Variants in ACTN2 observed in about 807,000 individuals in gnomAD.
The protein encoded by ACTN2 is alpha-actinin-2.
A neutral mutation model predicts 113.8 loss-of-function variants in ACTN2; 39 were observed. The observed-to-expected ratio is 0.34, with a 90% CI of 0.27 to 0.45. ACTN2 has a LOEUF of 0.45. ACTN2 is among the 20% of genes least tolerant of loss of function. The pLI is 1.00. For missense variants in ACTN2, 992 were observed against 1,177.9 expected, an observed-to-expected ratio of 0.84 and a Z score of 2.31; for synonymous variants, 429 against 444.1, an observed-to-expected ratio of 0.97 and a Z score of 0.43.
intron 18 of ACTN2, among the ~76,000 whole-genome samples, chr1:236,758,944 T>C (rs749116788): frequency 1.3e-5 from 2 of 152,172 alleles, no homozygotes; most frequent in Non-Finnish European, 2.9e-5. Flanking sequence ...TAAAGATCAC[T>C]AAAAGGGATG....
chr1:236,759,814 T>A, intron 19 of ACTN2, 25 bp downstream of exon 19: 1 of 1,592,598 alleles, frequency 6.3e-7, no homozygotes, highest in Middle Eastern at 1.7e-4. Flanking sequence ...GAAATTGTAC[T>A]AAGATTTGAT....
intron 7 of ACTN2, among the ~76,000 whole-genome samples, chr1:236,733,119 C>T (rs538810023): frequency 7.2e-5 from 11 of 152,234 alleles, no homozygotes; most frequent in African/African-American, 2.4e-4. Context: ...CCTCTTTTTC[C>T]ATCTGTCCTA....
At chr1:236,732,230 A>C (rs1658729986) in intron 7 of ACTN2, among the ~76,000 whole-genome samples, 1 of 152,110 alleles carries the variant, frequency 6.6e-6, no homozygotes. Flanking sequence ...ACACAGCAGA[A>C]ATTTCATAGC....
chr1:236,731,999 T>G (rs1658724697), intron 7 of ACTN2, among the ~76,000 whole-genome samples: 1 of 152,238 alleles, frequency 6.6e-6, no homozygotes. Flanking sequence ...TTCATTTTAT[T>G]TATTCATGAT....
intron 15 of ACTN2, among the ~76,000 whole-genome samples, chr1:236,753,442 G>T (rs1419515908): frequency 6.6e-6 from 1 of 152,164 alleles, no homozygotes; most frequent in Non-Finnish European, 1.5e-5. Flanking sequence ...GAATGTCTAT[G>T]ATTTATGCTG....
rs935002962 is a variant in ACTN2 at position 236,724,546 on chromosome 1, C to T, written c.449-1387C>T. ...GAGGAGGCTTGGGGAAGAAGGTCTC[C>T]GACTGCAGTGCAGTTCTGAGGTTAA... On this transcript the variant is annotated intron_variant, in intron 4 of 20. Transcript: ENST00000366578. Among the ~76,000 whole-genome samples the T allele has an allele frequency of 5.9e-5, 9 of 152,186 alleles. No homozygotes were observed. In the South Asian group the frequency reaches 6.2e-4, roughly 11 times the overall value.
intron 15 of ACTN2, among the ~76,000 whole-genome samples, chr1:236,753,124 C>T (rs912396529): frequency 6.6e-6 from 1 of 152,188 alleles, no homozygotes; most frequent in African/African-American, 2.4e-5. Context: ...GTATAAGAAT[C>T]GAACTCATGA....
intron 1 of ACTN2, among the ~76,000 whole-genome samples, chr1:236,697,940 T>G (rs1276363192): frequency 1.3e-5 from 2 of 149,292 alleles, no homozygotes; most frequent in Non-Finnish European, 3.0e-5. Flanking sequence ...TCGTATTTTT[T>G]TTTTTTTTTT....
Position 236,686,628 on chromosome 1 carries a change from G to A in ACTN2, c.-46G>A, listed in dbSNP as rs1243111246. On this transcript the variant is annotated 5_prime_UTR_variant, in exon 1 of 21. Coordinates refer to ENST00000366578, the MANE Select transcript of ACTN2 (RefSeq NM_001103.4). ...GGTCCGTTTGCCAGTCAGCCCGTGC[G>A]TCCGAGCCCCTCGCGCCCCGCCGCA... is the stretch of plus-strand genomic sequence containing the variant. The A allele has an allele frequency of 4.1e-5, 63 of 1,523,868 alleles. No individual in the cohort carries two copies. Among genetic ancestry groups the A allele is most frequent in the Non-Finnish European group, 5.0e-5 (57 of 1,135,358 alleles). 94.4% of individuals were successfully genotyped at this position (1,523,868 alleles called of 1,614,324 possible). A position where few individuals can be genotyped will look rare whatever the true frequency, so the allele number is the denominator to read the frequency against.
intron 1 of ACTN2, among the ~76,000 whole-genome samples, chr1:236,707,302 C>T (rs1378461796): frequency 6.6e-6 from 1 of 152,214 alleles, no homozygotes; most frequent in Non-Finnish European, 1.5e-5. Flanking sequence ...GTTCTGGATT[C>T]TTAGATCAGA....
chr1:236,742,803 T>G, intron 10 of ACTN2, 93 bp from the exon 11 acceptor site: 2 of 1,465,454 alleles, frequency 1.4e-6, no homozygotes, highest in Non-Finnish European at 1.9e-6. Flanking sequence ...CATCAAAATG[T>G]AGTGGAGGGA....
intron 9 of ACTN2, 95 bp downstream of exon 9, chr1:236,737,309 A>ATATATATATATATATATATATATATATT (rs1658915320): frequency 3.3e-6 from 1 of 300,284 alleles, no homozygotes; most frequent in Non-Finnish European, 6.8e-6. Flanking sequence ...ATATATATAT[A>ATATATATATATATATATATATATATATT]TATATATATT....
At chr1:236,743,367 A>G (rs1249509822) in intron 11 of ACTN2, among the ~76,000 whole-genome samples, 1 of 152,210 alleles carries the variant, frequency 6.6e-6, no homozygotes, top group Non-Finnish European at 1.5e-5. Context: ...ACTGGTAGTC[A>G]GATAGCCCTG....
At position 236,737,296 on chromosome 1, in the gene ACTN2, G is replaced by GGT. The variant is rs1658909356; in HGVS notation, c.876+83_876+84insTG. 1.8e-5 allele frequency: 7 copies of GGT among 387,986 alleles called. No homozygotes were observed. The African/African-American group carries it at 1.9e-4, about 10-fold the overall frequency. The allele number at this position is 387,986 out of a possible 1,614,324, so 24.0% of individuals were successfully genotyped here. On this transcript the variant is annotated intron_variant, in intron 9 of 20. Transcript: ENST00000366578. ...AGAGGGTGAAAAAATACTCCGTGGG[G>GGT]GCATATATATATATATATATATTTT...
chr1:236,687,664 T>A (rs369577737), intron 1 of ACTN2, among the ~76,000 whole-genome samples: 3 of 152,264 alleles, frequency 2.0e-5, no homozygotes, highest in Admixed American at 6.5e-5. Flanking sequence ...TGGGGCAAGA[T>A]AGATTTCCCT....
At chr1:236,695,563 T>TCCACC (rs1657467692) in intron 1 of ACTN2, among the ~76,000 whole-genome samples, 2 of 100,792 alleles carry the variant, frequency 2.0e-5, no homozygotes, top group Non-Finnish European at 1.9e-5. Context: ...TGAAATGAGT[T>TCCACC]CCCCCCCCCT....
In ACTN2 at chr1:236,762,867, G is replaced by A. The variant is rs757824001; in HGVS notation, c.*248G>A. Reference sequence around the variant, plus strand: ...TTTAGCAAAATGTAATGAAATATCAGGTTGATTTCTTTGATTAAACAGAAC... The same window carrying A: ...TTTAGCAAAATGTAATGAAATATCAAGTTGATTTCTTTGATTAAACAGAAC... On this transcript the variant is annotated 3_prime_UTR_variant, in exon 21 of 21. Coordinates refer to ENST00000366578, the MANE Select transcript of ACTN2 (RefSeq NM_001103.4). 1 of 503,758 alleles carries A rather than the reference G, an allele frequency of 2.0e-6. No homozygotes were observed. The highest frequency in any genetic ancestry group is 3.6e-6 in the Non-Finnish European group (1 of 277,886). The allele number at this position is 503,758 out of a possible 1,614,324, so 31.2% of individuals were successfully genotyped here.
chr1:236,744,250 G>A (rs528154120), intron 11 of ACTN2, among the ~76,000 whole-genome samples: 20 of 152,300 alleles, frequency 1.3e-4, no homozygotes, highest in Middle Eastern at 6.8e-3. Context: ...GAGCACCGGG[G>A]TTTTATCTAA....
At chr1:236,725,255 A>T (rs1451918579) in intron 4 of ACTN2, among the ~76,000 whole-genome samples, 2 of 152,146 alleles carry the variant, frequency 1.3e-5, no homozygotes, top group Non-Finnish European at 2.9e-5. Context: ...CTCCTTTTCA[A>T]ATTGGACACT....
Sources: gnomAD v4.1 joint callset for allele counts (sites outside exome capture counted in the v4.1 genomes callset) on GRCh38, gnomAD v4.1.1 for gene constraint, MANE v1.5 for transcripts, NCBI Gene and HGNC (gene_info 2026-07-23, HGNC 2026-07-21) for gene names.